PLEC: variants seen among roughly 807,000 people sequenced by gnomAD.
PLEC encodes hemidesmosomal protein 1.
Under a neutral mutation model 392.8 loss-of-function variants are expected in PLEC, and 216 were observed. That is an observed-to-expected ratio of 0.55 (90% CI 0.49 to 0.62). The LOEUF is 0.62. PLEC is among the 20% of genes least tolerant of loss of function. The pLI, the probability that PLEC is intolerant of heterozygous loss-of-function variation, is 0.00. For missense variants in PLEC, 6,863 were observed against 6,563.4 expected (o/e 1.05, Z -1.58); for synonymous variants, 3,621 against 2,980.6 (o/e 1.21, Z -7.00).
rs369888784 is a variant in PLEC, at chr8:143,928,033, G to A, written c.3261-41C>T. On this transcript the variant is annotated intron_variant, in intron 25 of 31. Coordinates refer to ENST00000345136, the MANE Select transcript of PLEC (RefSeq NM_201384.3). Reference sequence around the variant, plus strand: ...GGCTCAGGGCCATGACATGGGGCTCGAGCAATAGCCCAAGGGAATGGAACC... The same window carrying A: ...GGCTCAGGGCCATGACATGGGGCTCAAGCAATAGCCCAAGGGAATGGAACC... 103 of 1,560,102 alleles carry A rather than the reference G, an allele frequency of 6.6e-5. 1 individual carries two copies. In the South Asian group the frequency reaches 1.1e-3, roughly 16 times the overall value.
In PLEC at chr8:143,935,290, T is replaced by C; in HGVS notation, c.626A>G (p.Lys209Arg). ...RHKPLLIDMN[K>R]VYRQTNLENL... ...CTCCAGGTTGGTCTGCCGGTACACC[T>C]TGTTCATGTCGATGAGCAGGGGCCT... The change falls in exon 7 of 32, where the codon AAG becomes AGG. Residue 209 changes from lysine to arginine, a missense_variant. Lys to Arg is a conservative substitution (Grantham distance 26). Coordinates refer to ENST00000345136, the MANE Select transcript of PLEC (RefSeq NM_201384.3). The C allele has an allele frequency of 6.2e-7, 1 of 1,607,670 alleles. No homozygotes were observed. The highest frequency in any genetic ancestry group is 1.3e-5 in the African/African-American group (1 of 74,956).
chr8:143,926,864 G>A lies in PLEC; in HGVS notation c.3964C>T (p.His1322Tyr), dbSNP rs200411401. 6.2e-5 allele frequency: 100 copies of A among 1,613,106 alleles called. No individual in the cohort carries two copies. The African/African-American group carries it at 6.5e-4, about 11-fold the overall frequency. ...GTCAGTGTGGTCAGCTCGCTGTAGTGCGTACGCAGGTCCACGTACTGTGGA... is the reference window on the plus strand; with the variant it reads ...GTCAGTGTGGTCAGCTCGCTGTAGTACGTACGCAGGTCCACGTACTGTGGA... ...VIQEYVDLRT[H>Y]YSELTTLTSQ... The change falls in exon 30 of 32, where the codon CAC becomes TAC. Residue 1322 changes from histidine to tyrosine, a missense_variant. Transcript: ENST00000345136.
rs369344419 is a variant in PLEC, at chr8:143,930,279, T to C, written c.2477A>G (p.Asp826Gly). ...KQVEVTVHKG[D>G]ECQLVGPAQP... ...TGCAGGGCCCACCAGCTGGCACTCG[T>C]CACCCTTGTGCACAGTCACCTGGGA... Residue 826 changes from aspartate (D) to glycine (G), a missense_variant, in exon 21 of 32, where the codon GAC becomes GGC. Asp to Gly is a moderately conservative substitution (Grantham distance 94). Transcript: ENST00000345136. The C allele has an allele frequency of 7.4e-5, 119 of 1,603,396 alleles. 3 individuals are homozygous for C. The East Asian group carries it at 9.8e-4, about 13-fold the overall frequency.
rs1388703278 is a variant in PLEC at position 143,924,479 on chromosome 8, C to T, written c.5450G>A (p.Arg1817Gln). The T allele has an allele frequency of 7.8e-6, 12 of 1,540,904 alleles. No individual in the cohort carries two copies. Among genetic ancestry groups the T allele is most frequent in the African/African-American group, 1.4e-5 (1 of 71,672 alleles). ...CGCCGCGTCTTCCTCGGCCAGCTGC[C>T]GCTGCCGCTTGGCCTCTTCCGCCAG... ...RALAEEAKRQ[R>Q]QLAEEDAARQ... Residue 1817 changes from arginine (R) to glutamine (Q), a missense_variant, in exon 31 of 32, where the codon CGG (arginine) becomes CAG (glutamine). Physicochemically the swap from Arg to Gln is conservative, Grantham distance 43. Coordinates refer to ENST00000345136, the MANE Select transcript of PLEC (RefSeq NM_201384.3).
At chr8:143,956,432 G>T (rs1832598901), upstream of PLEC, among the ~76,000 whole-genome samples, 1 of 152,206 alleles carries the variant, frequency 6.6e-6, no homozygotes, top group East Asian at 1.9e-4. Flanking sequence ...TCCTGACACG[G>T]TGGCCTGGGC....
chr8:143,920,205 C>A lies in PLEC; in HGVS notation c.9616G>T (p.Gly3206Trp), dbSNP rs782594100. Reference sequence around the variant, plus strand: ...TCTGAGAGCGGCAGCAGGCTCAGCCCGGTCAGCTGGTCGGGCCGGCACCGC... The same window carrying A: ...TCTGAGAGCGGCAGCAGGCTCAGCCAGGTCAGCTGGTCGGGCCGGCACCGC... ...QQRCRPDQLTGLSLLPLSEKA... is the reference protein window; with the variant it reads ...QQRCRPDQLTWLSLLPLSEKA... The change falls in exon 32 of 32, where the codon GGG (glycine) becomes TGG (tryptophan). Residue 3206 changes from glycine to tryptophan, a missense_variant. By Grantham distance (184) the Gly-to-Trp change is radical. Transcript: ENST00000345136. 3 of 1,609,218 alleles carry A rather than the reference C, an allele frequency of 1.9e-6. No individual in the cohort carries two copies. The highest frequency in any genetic ancestry group is 2.5e-6 in the Non-Finnish European group (3 of 1,179,602).
rs1252688944 is a variant in PLEC at position 143,924,360 on chromosome 8, T to C, written c.5569A>G (p.Lys1857Glu). Reference protein sequence around the residue: ...RLKTEAEIALKEKEAENERLR... With the variant: ...RLKTEAEIALEEKEAENERLR... Reference sequence around the variant, plus strand: ...CGCTCGTTCTCCGCCTCCTTCTCCTTGAGCGCGATCTCCGCCTCCGTCTTG... The same window carrying C: ...CGCTCGTTCTCCGCCTCCTTCTCCTCGAGCGCGATCTCCGCCTCCGTCTTG... Residue 1857 changes from lysine (K) to glutamate (E), a missense_variant, in exon 31 of 32, where the codon AAG becomes GAG. Transcript: ENST00000345136. 6.3e-7 allele frequency: 1 copy of C among 1,596,818 alleles called. No homozygotes were observed. Among genetic ancestry groups the C allele is most frequent in the African/African-American group, 1.3e-5 (1 of 74,786 alleles).
chr8:143,930,263 C>T lies in PLEC; in HGVS notation c.2493G>A (p.Val831=), dbSNP rs782281167. The change falls in exon 21 of 32, where the codon GTG becomes GTA. Residue 831 remains valine, a synonymous_variant. Coordinates refer to ENST00000345136, the MANE Select transcript of PLEC (RefSeq NM_201384.3). The stretch of plus-strand genomic sequence containing the variant: ...TCCAGTGGGACGGCTGTGCAGGGCC[C>T]ACCAGCTGGCACTCGTCACCCTTGT... The part of the protein sequence containing the change: ...TVHKGDECQL[V]GPAQPSHWKV... 6.9e-5 allele frequency: 110 copies of T among 1,601,816 alleles called. No individual in the cohort carries two copies. The highest frequency in any genetic ancestry group is 9.0e-5 in the Non-Finnish European group (106 of 1,178,456).
chr8:143,944,039 C>G (rs146258561), upstream of PLEC: 18 of 1,247,922 alleles, frequency 1.4e-5, no homozygotes, highest in Non-Finnish European at 2.0e-5. Flanking sequence ...CCATACGCGG[C>G]GGCAGCCCCA....
At chr8:143,970,156 T>A (rs1833343393) in intron 1 of PLEC, among the ~76,000 whole-genome samples, 1 of 151,808 alleles carries the variant, frequency 6.6e-6, no homozygotes, top group Non-Finnish European at 1.5e-5. Flanking sequence ...CACTGCAGGG[T>A]GTTTGCACGG....
exon 1 of PLEC, chr8:143,950,792 C>A: frequency 6.6e-7 from 1 of 1,525,994 alleles, no homozygotes; most frequent in South Asian, 1.2e-5. Context: ...GAGAAGCTCC[C>A]GCGCTACAGG....
intron 19 of PLEC, 83 bp from the exon 20 acceptor site, chr8:143,930,619 C>T: frequency 1.4e-6 from 2 of 1,408,402 alleles, no homozygotes; most frequent in Non-Finnish European, 9.7e-7. Context: ...CGGGACCAGG[C>T]CTGTGGGGCC....
chr8:143,933,147 G>T, intron 13 of PLEC, 36 bp from the exon 14 acceptor site: 1 of 1,606,500 alleles, frequency 6.2e-7, no homozygotes. Flanking sequence ...GTGTTGGCGG[G>T]CCTGGGGCCG....
rs956270414 is a variant in PLEC at position 143,969,471 on chromosome 8, C to T, written c.70+3932G>A. Among the ~76,000 whole-genome samples, 15 of 152,316 alleles carry T rather than the reference C, an allele frequency of 9.8e-5. No individual in the cohort carries two copies. Among genetic ancestry groups the T allele is most frequent in the East Asian group, 3.9e-4 (2 of 5,180 alleles). On this transcript the variant is annotated intron_variant, in intron 1 of 31. Transcript: ENST00000356346. The surrounding 1 kb of genome is among the most constrained non-coding windows in gnomAD (Gnocchi z 5.1). ...GCCCAGCTGCCAAGAGGTGTCCAGT[C>T]GCCCAGCCCCCCAAGCCTGGCCTGT...
chr8:143,953,303 GC>G (rs1293099712), upstream of PLEC, among the ~76,000 whole-genome samples: 1 of 148,412 alleles, frequency 6.7e-6, no homozygotes, highest in Non-Finnish European at 1.5e-5. Context: ...CTTGCTCAGG[GC>G]CAGCCGGCCC....
upstream of PLEC, chr8:143,954,033 T>A (rs1554738424): frequency 2.4e-6 from 2 of 825,352 alleles, no homozygotes; most frequent in Non-Finnish European, 3.5e-6. The surrounding 1 kb of genome is among the most constrained non-coding windows in gnomAD (Gnocchi z 4.6). Flanking sequence ...GACTGCCAGG[T>A]CACCAGGCCG....
chr8:143,946,179 G>T (rs145567579), intron 1 of PLEC, among the ~76,000 whole-genome samples: 3 of 152,208 alleles, frequency 2.0e-5, no homozygotes, highest in Non-Finnish European at 4.4e-5. Context: ...CTGTGCTTCC[G>T]GGACACACAT....
chr8:143,973,327 C>T lies in PLEC; in HGVS notation c.70+76G>A. On this transcript the variant is annotated intron_variant, in intron 1 of 31. Transcript: ENST00000356346. The surrounding 1 kb of genome is among the most constrained non-coding windows in gnomAD (Gnocchi z 5.6). The stretch of plus-strand genomic sequence containing the variant: ...GCGCTCGGGCCGGCGATCGGGACCG[C>T]CACCGTGGACGACAAGGTGCTCGGC... 1 of 1,517,348 alleles carries T rather than the reference C, an allele frequency of 6.6e-7. No individual in the cohort carries two copies. The highest frequency in any genetic ancestry group is 8.9e-7 in the Non-Finnish European group (1 of 1,125,738). The allele number at this position is 1,517,348 out of a possible 1,614,324, so 94.0% of individuals were successfully genotyped here.
rs782070115 is a variant in PLEC at position 143,921,417 on chromosome 8, C to T, written c.8404G>A (p.Gly2802Ser). The change falls in exon 32 of 32, where the codon GGC becomes AGC. Residue 2802 changes from glycine (G) to serine (S), a missense_variant. Coordinates refer to ENST00000345136, the MANE Select transcript of PLEC (RefSeq NM_201384.3). ...MQKGLIVREH[G>S]IRLLEAQIAT... ...ATCTGGGCCTCCAGCAGGCGGATGC[C>T]GTGCTCCCGGACGATGAGGCCCTTC... The T allele has an allele frequency of 1.1e-5, 18 of 1,613,222 alleles. No homozygotes were observed. Among genetic ancestry groups the T allele is most frequent in the Admixed American group, 8.3e-5 (5 of 59,994 alleles).
Sources: gnomAD v4.1 joint callset for allele counts (sites outside exome capture counted in the v4.1 genomes callset) on GRCh38, gnomAD v4.1.1 for gene constraint, Gnocchi (gnomAD v3.1) non-coding constraint, MANE v1.5 for transcripts, NCBI Gene and HGNC (gene_info 2026-07-23, HGNC 2026-07-21) for gene names.